The following PARD3 variants were observed in gnomAD, a reference collection of about 807,000 sequenced individuals.
PARD3 encodes partitioning defective 3 homolog.
PARD3 carries 75 observed loss-of-function variants against 155.4 expected under a neutral mutation model. The ratio of observed to expected loss-of-function variants is 0.48; its 90% CI spans 0.40 to 0.58. The LOEUF (loss-of-function observed/expected upper bound fraction) is 0.58, where lower values mean the gene tolerates loss of function less well. Ranked by LOEUF, PARD3 falls within the 20% of genes least tolerant of loss-of-function variation. PARD3 has a pLI of 0.00. For missense variants in PARD3, 1,642 were observed against 1,721.7 expected (o/e 0.95, Z 0.82); for synonymous variants, 576 against 610.5 (o/e 0.94, Z 0.83).
At chr10:34,242,779 C>T (rs892316093) in intron 22 of PARD3, among the ~76,000 whole-genome samples, 7 of 151,950 alleles carry the variant, frequency 4.6e-5, no homozygotes, top group African/African-American at 1.7e-4. Context: ...ACTAAAAATA[C>T]AAAAAATTAG....
Position 34,450,298 on chromosome 10 carries a change from T to C in PARD3, c.714+19A>G, listed in dbSNP as rs2076988766. 6.2e-7 allele frequency: 1 copy of C among 1,609,370 alleles called. No individual in the cohort carries two copies. Among genetic ancestry groups the C allele is most frequent in the African/African-American group, 1.3e-5 (1 of 74,652 alleles). ...GGATGTTACAGCAATGACGCACATATAAGGATTTGTCATGTTACCTGTTCT... is the reference window on the plus strand; with the variant it reads ...GGATGTTACAGCAATGACGCACATACAAGGATTTGTCATGTTACCTGTTCT... On this transcript the variant is annotated intron_variant, in intron 5 of 24. Coordinates refer to ENST00000374788, the MANE Select transcript of PARD3 (RefSeq NM_001184785.2).
At chr10:34,191,106 A>G (rs751801718) in intron 22 of PARD3, among the ~76,000 whole-genome samples, 6 of 151,996 alleles carry the variant, frequency 3.9e-5, no homozygotes, top group Non-Finnish European at 7.4e-5. Flanking sequence ...GTGTGGAGAA[A>G]GGAGTGAGGA....
chr10:34,335,995 T>C lies in PARD3; in HGVS notation c.2605+204A>G, dbSNP rs60740649. ...AGCCTTTTTGAAGCAGTAAATCATATTACTATTTAGTAAGTACACCACTGA... is the reference window on the plus strand; with the variant it reads ...AGCCTTTTTGAAGCAGTAAATCATACTACTATTTAGTAAGTACACCACTGA... On this transcript the variant is annotated intron_variant, in intron 18 of 24. Transcript: ENST00000374788. Among the ~76,000 whole-genome samples, 579 of 152,238 alleles carry C rather than the reference T, an allele frequency of 3.8e-3. 3 individuals are homozygous for C. The highest frequency in any genetic ancestry group is 0.013 in the African/African-American group (550 of 41,580).
chr10:34,356,555 A>T (rs1281853912), intron 14 of PARD3, among the ~76,000 whole-genome samples: 1 of 152,230 alleles, frequency 6.6e-6, no homozygotes. Flanking sequence ...CTGATTGGCA[A>T]AGACTGGACT....
At chr10:34,303,370 T>C (rs1443325236) in intron 20 of PARD3, among the ~76,000 whole-genome samples, 2 of 151,962 alleles carry the variant, frequency 1.3e-5, no homozygotes, top group Admixed American at 6.6e-5. Flanking sequence ...CTCAAAATTG[T>C]TCCAGAATCA....
intron 2 of PARD3, among the ~76,000 whole-genome samples, chr10:34,596,676 A>G (rs991895565): frequency 1.3e-5 from 2 of 152,146 alleles, no homozygotes; most frequent in East Asian, 3.9e-4. Flanking sequence ...ATGGGTGGGG[A>G]CATAGAGCCA....
intron 1 of PARD3, among the ~76,000 whole-genome samples, chr10:34,701,558 G>GTT (rs1228987132): frequency 6.6e-6 from 1 of 152,130 alleles, no homozygotes; most frequent in Non-Finnish European, 1.5e-5. Flanking sequence ...CCGGTAAGAG[G>GTT]CTCTGGAATG....
At chr10:34,541,320 AATGTTTCCTTTAGAGAAATGAAAAT>A (rs1444782961) in intron 2 of PARD3, among the ~76,000 whole-genome samples, 1 of 152,214 alleles carries the variant, frequency 6.6e-6, no homozygotes, top group African/African-American at 2.4e-5. Flanking sequence ...GAGAACTATA[AATGTTTCCTTTAGAGAAATGAAAAT>A]TTAAATCTCT....
intron 12 of PARD3, among the ~76,000 whole-genome samples, chr10:34,369,443 C>T (rs1361911919): frequency 6.6e-5 from 10 of 151,948 alleles, no homozygotes; most frequent in African/African-American, 2.4e-4. Context: ...AGATATTGGA[C>T]GTGCCTGAAC....
intron 22 of PARD3, among the ~76,000 whole-genome samples, chr10:34,195,903 G>A (rs953289251): frequency 6.6e-6 from 1 of 152,168 alleles, no homozygotes; most frequent in Non-Finnish European, 1.5e-5. Flanking sequence ...TACGGTACAC[G>A]TGGATAACAG....
At chr10:34,347,540 T>C (rs1837558030) in intron 15 of PARD3, among the ~76,000 whole-genome samples, 1 of 152,248 alleles carries the variant, frequency 6.6e-6, no homozygotes, top group Non-Finnish European at 1.5e-5. Context: ...CATATATCTG[T>C]ATATAAATAT....
At chr10:34,369,056 G>A (rs1840296554) in intron 12 of PARD3, among the ~76,000 whole-genome samples, 1 of 151,568 alleles carries the variant, frequency 6.6e-6, no homozygotes, top group African/African-American at 2.4e-5. Flanking sequence ...GTCACATTAA[G>A]GAGAAATAAA....
At chr10:34,665,527 A>G (rs895127831) in intron 2 of PARD3, among the ~76,000 whole-genome samples, 1 of 150,240 alleles carries the variant, frequency 6.7e-6, no homozygotes, top group African/African-American at 2.5e-5. Flanking sequence ...TCACAAAAAA[A>G]TTTTAAAAAT....
At chr10:34,345,577 T>C in intron 15 of PARD3, 4 of 985,242 alleles carry the variant, frequency 4.1e-6, no homozygotes, top group Non-Finnish European at 3.6e-6. Flanking sequence ...GCCTAGATAC[T>C]GTGCAAATCA....
chr10:34,304,015 C>A (rs138986872), intron 20 of PARD3, among the ~76,000 whole-genome samples: 1 of 151,992 alleles, frequency 6.6e-6, no homozygotes, highest in Admixed American at 6.6e-5. Context: ...GCAGGGAATG[C>A]GCAGCACAGA....
intron 2 of PARD3, among the ~76,000 whole-genome samples, chr10:34,616,038 T>C (rs2091229406): frequency 6.6e-6 from 1 of 152,032 alleles, no homozygotes; most frequent in Admixed American, 6.6e-5. Context: ...CAGAATGAAG[T>C]TTCTTCAAAA....
At chr10:34,446,773 G>A (rs2076760282) in intron 5 of PARD3, among the ~76,000 whole-genome samples, 2 of 152,046 alleles carry the variant, frequency 1.3e-5, no homozygotes, top group Non-Finnish European at 2.9e-5. Context: ...TGCCATCACG[G>A]TGTGCAAGGC....
At chr10:34,198,333 T>C (rs73268941) in intron 22 of PARD3, among the ~76,000 whole-genome samples, 17 of 152,288 alleles carry the variant, frequency 1.1e-4, no homozygotes, top group African/African-American at 3.8e-4. Flanking sequence ...ACAGTCAACA[T>C]TCACTTAGTG....
intron 2 of PARD3, among the ~76,000 whole-genome samples, chr10:34,545,684 A>G (rs757792625): frequency 2.6e-5 from 4 of 152,108 alleles, no homozygotes; most frequent in Non-Finnish European, 5.9e-5. Context: ...CCTCTAGAGT[A>G]ACTGGGATTA....
Sources: allele counts gnomAD v4.1 joint callset (sites outside exome capture counted in the v4.1 genomes callset), GRCh38; gene constraint gnomAD v4.1.1; transcripts MANE v1.5; gene names NCBI Gene and HGNC (gene_info 2026-07-23, HGNC 2026-07-21).